The following PTPRD variants were observed in gnomAD, a reference collection of about 807,000 sequenced individuals.
The protein encoded by PTPRD is receptor-type tyrosine-protein phosphatase delta.
Under a neutral mutation model 214.5 loss-of-function variants are expected in PTPRD, and 34 were observed. The observed-to-expected ratio is 0.16, with a 90% CI of 0.12 to 0.21. The LOEUF is 0.21. PTPRD is among the 10% of genes least tolerant of loss of function. The pLI is 1.00. For missense variants in PTPRD, 2,545 were observed against 2,398.7 expected (o/e 1.06, Z -1.27); for synonymous variants, 1,128 against 845.7 (o/e 1.33, Z -5.79).
chr9:8,429,331 C>G (rs1482547269), intron 35 of PTPRD, among the ~76,000 whole-genome samples: 3 of 152,062 alleles, frequency 2.0e-5, no homozygotes, highest in Non-Finnish European at 2.9e-5. Flanking sequence ...GGGTAAGTCA[C>G]TTCTTTCTCA....
chr9:9,736,507 G>C (rs936970948), intron 6 of PTPRD, among the ~76,000 whole-genome samples: 2 of 152,022 alleles, frequency 1.3e-5, no homozygotes, highest in Non-Finnish European at 2.9e-5. Flanking sequence ...CCTTTGTTAA[G>C]AGTGACATTA....
intron 10 of PTPRD, among the ~76,000 whole-genome samples, chr9:9,065,595 T>G (rs1230519475): frequency 6.6e-6 from 1 of 152,148 alleles, no homozygotes; most frequent in African/African-American, 2.4e-5. Context: ...TGAGTTATAA[T>G]GTACAGACTT....
intron 10 of PTPRD, among the ~76,000 whole-genome samples, chr9:9,137,727 T>C (rs2099853193): frequency 6.6e-6 from 1 of 152,134 alleles, no homozygotes; most frequent in Admixed American, 6.6e-5. Flanking sequence ...ACATTGTACT[T>C]TGCTTAAAAG....
At chr9:10,475,301 GA>G (rs1005169652) in intron 2 of PTPRD, among the ~76,000 whole-genome samples, 84 of 152,018 alleles carry the variant, frequency 5.5e-4, no homozygotes, top group African/African-American at 1.8e-3. Flanking sequence ...TGATAAAGGG[GA>G]TATCACCACT....
intron 3 of PTPRD, among the ~76,000 whole-genome samples, chr9:10,120,244 T>G (rs1446682713): frequency 3.3e-5 from 5 of 151,778 alleles, no homozygotes. Flanking sequence ...CTAGTCATAA[T>G]AATACAACAG....
chr9:9,421,714 A>G (rs2078870925), intron 8 of PTPRD, among the ~76,000 whole-genome samples: 2 of 152,070 alleles, frequency 1.3e-5, no homozygotes, highest in South Asian at 2.1e-4. Context: ...GAAAATATTC[A>G]TGCAATACAG....
intron 5 of PTPRD, among the ~76,000 whole-genome samples, chr9:9,865,765 C>G (rs997734389): frequency 6.6e-6 from 1 of 152,200 alleles, no homozygotes; most frequent in Non-Finnish European, 1.5e-5. Flanking sequence ...TATAAGCTAT[C>G]TTGGGTATTT....
intron 8 of PTPRD, among the ~76,000 whole-genome samples, chr9:9,557,416 A>C (rs1274913387): frequency 6.6e-6 from 1 of 152,206 alleles, no homozygotes; most frequent in Admixed American, 6.5e-5. Flanking sequence ...CCCTGGAAGA[A>C]ATTGAAGTAT....
intron 3 of PTPRD, among the ~76,000 whole-genome samples, chr9:10,145,471 T>A (rs1252099409): frequency 6.6e-6 from 1 of 152,168 alleles, no homozygotes; most frequent in Non-Finnish European, 1.5e-5. Flanking sequence ...TATTTTCTCT[T>A]ACTTATAGTT....
intron 2 of PTPRD, among the ~76,000 whole-genome samples, chr9:10,402,878 T>C (rs924403657): frequency 2.0e-5 from 3 of 151,600 alleles, no homozygotes; most frequent in Non-Finnish European, 3.0e-5. Context: ...TAAGGAGTAG[T>C]AGGCTTTAGA....
At chr9:8,724,344 G>T (rs950090919) in intron 12 of PTPRD, among the ~76,000 whole-genome samples, 21 of 152,034 alleles carry the variant, frequency 1.4e-4, no homozygotes, top group African/African-American at 5.1e-4. Context: ...CTTCACAAAG[G>T]TCAATTTTAA....
rs557553011 is a variant in PTPRD at position 8,992,871 on chromosome 9, G to C, written c.-104+25826C>G. 1.2e-4 allele frequency among the ~76,000 whole-genome samples: 18 copies of C among 152,236 alleles called. No homozygotes were observed. The East Asian group carries it at 3.3e-3, about 28-fold the overall frequency. ...AGAAACTGAAGACCTCATCAAGCTT[G>C]GAGGTAATATGGCTGTTTCCATGCC... On this transcript the variant is annotated intron_variant, in intron 11 of 45. Coordinates refer to ENST00000381196, the MANE Select transcript of PTPRD (RefSeq NM_002839.4).
intron 30 of PTPRD, 147 bp downstream of exon 30, chr9:8,483,972 C>T: frequency 9.8e-7 from 1 of 1,021,440 alleles, no homozygotes; most frequent in Non-Finnish European, 1.4e-6. Context: ...TGTAAAAGAA[C>T]TCGGATAGCA....
chr9:9,496,518 G>A (rs181687647), intron 8 of PTPRD, among the ~76,000 whole-genome samples: 121 of 152,192 alleles, frequency 8.0e-4, no homozygotes, highest in Middle Eastern at 3.4e-3. Context: ...AAACTACAAT[G>A]AGATATGGTA....
intron 5 of PTPRD, among the ~76,000 whole-genome samples, chr9:9,798,323 G>C (rs1334110822): frequency 2.6e-5 from 4 of 152,112 alleles, no homozygotes; most frequent in African/African-American, 9.7e-5. Flanking sequence ...CAGAAATGAA[G>C]ACTCAAAGAA....
intron 10 of PTPRD, among the ~76,000 whole-genome samples, chr9:9,104,008 G>C (rs1038470856): frequency 6.6e-6 from 1 of 152,020 alleles, no homozygotes; most frequent in Non-Finnish European, 1.5e-5. Context: ...AAATAAAAAA[G>C]ATGAAGCAGT....
chr9:10,017,414 T>C (rs995135689), intron 4 of PTPRD, among the ~76,000 whole-genome samples: 7 of 152,194 alleles, frequency 4.6e-5, no homozygotes, highest in African/African-American at 1.7e-4. Context: ...ACATGTTTTA[T>C]AAACAGTTCT....
At chr9:9,136,479 CA>C (rs1206272738) in intron 10 of PTPRD, among the ~76,000 whole-genome samples, 1 of 151,958 alleles carries the variant, frequency 6.6e-6, no homozygotes, top group Non-Finnish European at 1.5e-5. Flanking sequence ...GTAAAAAACG[CA>C]ATTAATGGAA....
At chr9:9,140,293 C>G (rs111797683) in intron 10 of PTPRD, among the ~76,000 whole-genome samples, 2 of 152,240 alleles carry the variant, frequency 1.3e-5, no homozygotes, top group African/African-American at 4.8e-5. Context: ...ATTACATACA[C>G]CCCACCTTAT....
Sources: allele counts gnomAD v4.1 joint callset (sites outside exome capture counted in the v4.1 genomes callset), GRCh38; gene constraint gnomAD v4.1.1; transcripts MANE v1.5; gene names NCBI Gene and HGNC (gene_info 2026-07-23, HGNC 2026-07-21).